Variants in CNTLN observed in about 807,000 individuals in gnomAD.
CNTLN encodes centlein, centrosomal protein.
A neutral mutation model predicts 180.0 loss-of-function variants in CNTLN; 212 were observed. The ratio of observed to expected loss-of-function variants is 1.18; its 90% CI spans 1.05 to 1.32. The LOEUF is 1.32. Among genes scored for constraint, CNTLN ranks in the 40% most tolerant of loss-of-function variants. CNTLN has a pLI of 0.00. For missense variants in CNTLN, 2,095 were observed against 1,610.9 expected (o/e 1.30, Z -5.14); for synonymous variants, 722 against 563.1 (o/e 1.28, Z -3.99).
rs1477777411 is a variant in CNTLN, at chr9:17,135,372, C to T, written c.307C>T (p.Gln103Ter). The T allele has an allele frequency of 1.9e-6, 3 of 1,599,764 alleles. No homozygotes were observed. The highest frequency in any genetic ancestry group is 4.5e-5 in the East Asian group (2 of 44,398). ...SVEEAMVTRTQLLEEELSSLK... is the reference protein window; with the variant it reads ...SVEEAMVTRT ...AGAGGAGGCGATGGTGACCCGGACG[C>T]AGCTGCTGGAGGAAGAGCTGAGCAG... The change falls in exon 1 of 26, where the codon CAG (glutamine) becomes TAG (stop). Residue 103 changes from glutamine (Q) to a stop codon, truncating the protein, a stop_gained. Transcript: ENST00000380647. LOFTEE classifies it high-confidence loss of function.
intron 8 of CNTLN, among the ~76,000 whole-genome samples, chr9:17,325,575 A>ACG: frequency 1.1e-5 from 1 of 89,660 alleles, no homozygotes; most frequent in South Asian, 5.2e-4. Flanking sequence ...ACACACACAC[A>ACG]CGCACACACA....
At chr9:17,440,025 A>C (rs894999836) in intron 18 of CNTLN, among the ~76,000 whole-genome samples, 2 of 152,224 alleles carry the variant, frequency 1.3e-5, no homozygotes, top group African/African-American at 2.4e-5. Context: ...AAATAAGGGC[A>C]AAGTTGATAC....
Position 17,503,071 on chromosome 9 carries a change from G to T in CNTLN, c.*419G>T, listed in dbSNP as rs137970708. 6.5e-6 allele frequency: 1 copy of T among 152,704 alleles called. No homozygotes were observed. Among genetic ancestry groups the T allele is most frequent in the East Asian group, 1.9e-4 (1 of 5,190 alleles). The allele number at this position is 152,704 out of a possible 1,614,324, so 9.5% of individuals were successfully genotyped here. A position where few individuals can be genotyped will look rare whatever the true frequency, so the allele number is the denominator to read the frequency against. ...GCTATAGATGGCCATAAGTGGTCCA[G>T]GGAGCAACAGATTTGTAGTATGAGC... On this transcript the variant is annotated 3_prime_UTR_variant, in exon 26 of 26. Coordinates refer to ENST00000380647, the MANE Select transcript of CNTLN (RefSeq NM_017738.4).
intron 12 of CNTLN, among the ~76,000 whole-genome samples, chr9:17,357,057 C>G (rs1432015771): frequency 6.6e-6 from 1 of 152,074 alleles, no homozygotes; most frequent in Non-Finnish European, 1.5e-5. Context: ...TGCTTTCTGT[C>G]TCTATGGATT....
At chr9:17,139,934 C>T (rs561197437) in intron 1 of CNTLN, among the ~76,000 whole-genome samples, 13 of 152,186 alleles carry the variant, frequency 8.5e-5, no homozygotes, top group South Asian at 8.3e-4. Flanking sequence ...TGGTCTCGAA[C>T]GTCTGGACTT....
At chr9:17,513,091 T>C in the CNTLN span, among the ~76,000 whole-genome samples, 2 of 152,120 alleles carry the variant, frequency 1.3e-5, no homozygotes, top group Non-Finnish European at 2.9e-5. Context: ...AGTGCTGGGA[T>C]TACAGGCCAC....
intron 18 of CNTLN, chr9:17,447,099 A>G (rs1830483831): frequency 4.9e-6 from 1 of 205,436 alleles, no homozygotes; most frequent in Non-Finnish European, 1.0e-5. Context: ...CTGGTGGGCA[A>G]CTCACTGCCA....
chr9:17,247,788 T>A (rs951401537), intron 5 of CNTLN, among the ~76,000 whole-genome samples: 1 of 151,522 alleles, frequency 6.6e-6, no homozygotes, highest in African/African-American at 2.4e-5. Flanking sequence ...ACTTTTTTTT[T>A]TTTTTTTGCA....
chr9:17,457,517 A>G lies in CNTLN; in HGVS notation c.3115-7A>G, dbSNP rs764882010. The stretch of plus-strand genomic sequence containing the variant: ...ATTTATATTTATTTTCTTTTTTTAA[A>G]AAAAAGAAGCTAAATTTGGATTTGG... On this transcript the variant is annotated splice_region_variant and splice_polypyrimidine_tract_variant and intron_variant, in intron 18 of 25. Transcript: ENST00000380647. 6 of 1,415,308 alleles carry G rather than the reference A, an allele frequency of 4.2e-6. No homozygotes were observed. The highest frequency in any genetic ancestry group is 5.6e-6 in the Non-Finnish European group (6 of 1,076,866). The allele number at this position is 1,415,308 out of a possible 1,614,324, so 87.7% of individuals were successfully genotyped here.
At chr9:17,364,700 G>A (rs1368595368) in intron 12 of CNTLN, among the ~76,000 whole-genome samples, 1 of 152,112 alleles carries the variant, frequency 6.6e-6, no homozygotes, top group Admixed American at 6.6e-5. Flanking sequence ...CTTGACTCGA[G>A]AATTATTTTC....
intron 18 of CNTLN, among the ~76,000 whole-genome samples, chr9:17,443,062 T>C (rs182075971): frequency 1.3e-5 from 2 of 152,324 alleles, no homozygotes; most frequent in African/African-American, 4.8e-5. Context: ...GAACTAGCCA[T>C]CATACTTAAA....
intron 10 of CNTLN, among the ~76,000 whole-genome samples, chr9:17,337,651 G>A (rs903925905): frequency 6.6e-6 from 1 of 152,226 alleles, no homozygotes; most frequent in Non-Finnish European, 1.5e-5. Context: ...TGGTTTAATG[G>A]TGTAATATAG....
intron 14 of CNTLN, among the ~76,000 whole-genome samples, chr9:17,393,222 A>G (rs933024960): frequency 3.3e-5 from 5 of 152,134 alleles, no homozygotes; most frequent in African/African-American, 1.2e-4. Context: ...TCATGATCCA[A>G]TCACCTTCCA....
At chr9:17,235,637 A>G in intron 3 of CNTLN, 21 bp from the exon 4 acceptor site, 1 of 1,442,142 alleles carries the variant, frequency 6.9e-7, no homozygotes, top group Non-Finnish European at 9.0e-7. Context: ...GCTCACCAGT[A>G]ATTTAAATTT....
chr9:17,437,742 G>A (rs1829861581), intron 18 of CNTLN, among the ~76,000 whole-genome samples: 1 of 152,074 alleles, frequency 6.6e-6, no homozygotes, highest in Admixed American at 6.5e-5. Flanking sequence ...TATGAACCTT[G>A]TCCCCGATAA....
intron 7 of CNTLN, chr9:17,300,641 T>C (rs1469411325): frequency 1.3e-5 from 2 of 152,196 alleles, no homozygotes; most frequent in African/African-American, 4.8e-5. Context: ...TTGCCAAAAC[T>C]TTGTGAGTCA....
intron 2 of CNTLN, among the ~76,000 whole-genome samples, chr9:17,161,758 C>T (rs1342633912): frequency 2.0e-5 from 3 of 152,144 alleles, no homozygotes; most frequent in Non-Finnish European, 4.4e-5. Context: ...ATGTGCTGTC[C>T]TGCATTTTGT....
intron 6 of CNTLN, among the ~76,000 whole-genome samples, chr9:17,280,829 C>A (rs870271): frequency 6.6e-6 from 1 of 151,912 alleles, no homozygotes; most frequent in African/African-American, 2.4e-5. Context: ...ATGGTAAATG[C>A]AGAAAAAGAC....
rs772781385 is a variant in CNTLN, at chr9:17,415,981, A to G, written c.2906A>G (p.Tyr969Cys). Residue 969 changes from tyrosine (Y) to cysteine (C), a missense_variant, in exon 18 of 26, where the codon TAC (tyrosine) becomes TGC (cysteine). Transcript: ENST00000380647. ...AVPTRVNREK[Y>C]KNITAQKSSS... ...TTTTATGTAGTCAACAGAGAAAAGTACAAAAATATAACTGCCCAGAAATCA... is the reference window on the plus strand; with the variant it reads ...TTTTATGTAGTCAACAGAGAAAAGTGCAAAAATATAACTGCCCAGAAATCA... 4 of 1,608,558 alleles carry G rather than the reference A, an allele frequency of 2.5e-6. No homozygotes were observed. The Admixed American group carries it at 5.1e-5, about 20-fold the overall frequency.
Sources: gnomAD v4.1 joint callset for allele counts (sites outside exome capture counted in the v4.1 genomes callset) on GRCh38, gnomAD v4.1.1 for gene constraint, MANE v1.5 for transcripts, NCBI Gene and HGNC (gene_info 2026-07-23, HGNC 2026-07-21) for gene names.